ANLN: variants seen among roughly 807,000 people sequenced by gnomAD.
The protein encoded by ANLN is anillin, actin binding protein, also known as anillin.
ANLN carries 59 observed loss-of-function variants against 135.1 expected under a neutral mutation model. The observed-to-expected ratio is 0.44, with a 90% confidence interval of 0.35 to 0.54. The LOEUF is 0.54. Ranked by LOEUF, ANLN falls within the 20% of genes least tolerant of loss-of-function variation. ANLN has a pLI of 0.00. For missense variants in ANLN, 1,182 were observed against 1,340.0 expected, an observed-to-expected ratio of 0.88 and a Z score of 1.84; for synonymous variants, 406 against 456.4, an observed-to-expected ratio of 0.89 and a Z score of 1.41.
chr7:36,425,768 T>C, intron 18 of ANLN, 28 bp downstream of exon 18: 1 of 1,604,092 alleles, frequency 6.2e-7, no homozygotes, highest in Non-Finnish European at 8.5e-7. Flanking sequence ...GAAATTGAGC[T>C]TCCTTGAGAA....
At position 36,440,164 on chromosome 7, in the gene ANLN, G is replaced by A. The variant is rs149523794; in HGVS notation, c.2970+874G>A. On this transcript the variant is annotated intron_variant, in intron 21 of 23. Coordinates refer to ENST00000265748, the MANE Select transcript of ANLN (RefSeq NM_018685.5). ...GACATTTAGTAGAGGTAAAGATGTG[G>A]ATATCTGCAGCATGGGGAAGCCCAG... Among the ~76,000 whole-genome samples the A allele has an allele frequency of 3.2e-3, 493 of 152,308 alleles. 2 individuals carry two copies. The highest frequency in any genetic ancestry group is 5.2e-3 in the Non-Finnish European group (357 of 68,028).
At position 36,399,407 on chromosome 7, in the gene ANLN, AG is replaced by A. The variant is rs749497963; in HGVS notation, c.487+15del. The A allele has an allele frequency of 6.3e-7, 1 of 1,580,380 alleles. No homozygotes were observed. The highest frequency in any genetic ancestry group is 1.2e-5 in the South Asian group (1 of 85,654). ...ATGATATGACAGGTATGAATTGTATAGATGGTATGGCCCATACATCTGTTCC... is the reference window on the plus strand; with the variant it reads ...ATGATATGACAGGTATGAATTGTATAATGGTATGGCCCATACATCTGTTCC... On this transcript the variant is annotated intron_variant, in intron 3 of 23. Coordinates refer to ENST00000265748, the MANE Select transcript of ANLN (RefSeq NM_018685.5).
At chr7:36,398,941 A>C in intron 2 of ANLN, 138 bp from the exon 3 acceptor site, 1 of 661,414 alleles carries the variant, frequency 1.5e-6, no homozygotes, top group Non-Finnish European at 2.6e-6. Flanking sequence ...GGGGTTTTAC[A>C]TACTTCTGGT....
chr7:36,443,683 C>T lies in ANLN; in HGVS notation c.2971-72C>T, dbSNP rs115760311. ...ATGTCAACATACTACAGTTAGTGTA[C>T]AGAATCAGCATTTCATTGTTAGGAC... On this transcript the variant is annotated intron_variant, in intron 21 of 23. Coordinates refer to ENST00000265748, the MANE Select transcript of ANLN (RefSeq NM_018685.5). 5.8e-4 allele frequency: 549 copies of T among 943,062 alleles called. 3 individuals are homozygous for T. In the African/African-American group the frequency reaches 8.3e-3, roughly 14 times the overall value. 58.4% of individuals were successfully genotyped at this position (943,062 alleles called of 1,614,324 possible). A position where few individuals can be genotyped will look rare whatever the true frequency, so the allele number is the denominator to read the frequency against.
chr7:36,420,867 C>A, intron 12 of ANLN, 123 bp downstream of exon 12: 1 of 847,324 alleles, frequency 1.2e-6, no homozygotes, highest in Non-Finnish European at 1.8e-6. Context: ...GTGTCTGATG[C>A]ATAGAAGCTC....
chr7:36,448,349 G>C (rs899225379), intron 22 of ANLN, among the ~76,000 whole-genome samples: 1 of 152,168 alleles, frequency 6.6e-6, no homozygotes, highest in Non-Finnish European at 1.5e-5. Flanking sequence ...ATGTTCAAAT[G>C]TACACAAAGC....
At position 36,396,499 on chromosome 7, in the gene ANLN, T is replaced by C. The variant is rs1162588104; in HGVS notation, c.172+80T>C. ...ACAAGCCCCAAACATTTCATTAGCATATAGAAGAACCAAGCTCTTTGGGAG... is the reference window on the plus strand; with the variant it reads ...ACAAGCCCCAAACATTTCATTAGCACATAGAAGAACCAAGCTCTTTGGGAG... On this transcript the variant is annotated intron_variant, in intron 2 of 23. Transcript: ENST00000265748. The C allele has an allele frequency of 4.3e-6, 6 of 1,388,642 alleles. No individual in the cohort carries two copies. The African/African-American group carries it at 4.3e-5, about 10-fold the overall frequency. The allele number at this position is 1,388,642 out of a possible 1,614,324, so 86.0% of individuals were successfully genotyped here.
intron 12 of ANLN, 34 bp downstream of exon 12, chr7:36,420,778 T>C (rs750349054): frequency 6.2e-7 from 1 of 1,609,832 alleles, no homozygotes. Flanking sequence ...CTTTGGAATG[T>C]TTCTTGCACT....
chr7:36,410,540 G>C lies in ANLN; in HGVS notation c.1123G>C (p.Glu375Gln), dbSNP rs1358723163. The C allele has an allele frequency of 6.2e-7, 1 of 1,610,162 alleles. No homozygotes were observed. Among genetic ancestry groups the C allele is most frequent in the South Asian group, 1.1e-5 (1 of 90,352 alleles). Residue 375 changes from glutamate (E) to glutamine (Q), a missense_variant, in exon 6 of 24, where the codon GAA (glutamate) becomes CAA (glutamine). Transcript: ENST00000265748. ...PGGTGIKPFL[E>Q]RFGERCQEHS... ...AGGAACAGGAATTAAGCCTTTCCTG[G>C]AACGCTTTGGAGAGCGTTGTCAAGA...
At position 36,419,543 on chromosome 7, in the gene ANLN, C is replaced by T. The variant is rs1787786740; in HGVS notation, c.1869+64C>T. ...AAACTAAGTAGTATTCGTATCTCCCCTTTCTTTTGTTGACAGATGGACATT... is the reference window on the plus strand; with the variant it reads ...AAACTAAGTAGTATTCGTATCTCCCTTTTCTTTTGTTGACAGATGGACATT... On this transcript the variant is annotated intron_variant, in intron 10 of 23. Transcript: ENST00000265748. 3 of 1,373,326 alleles carry T rather than the reference C, an allele frequency of 2.2e-6. No individual in the cohort carries two copies. In the South Asian group the frequency reaches 3.8e-5, roughly 17 times the overall value. 85.1% of individuals were successfully genotyped at this position (1,373,326 alleles called of 1,614,324 possible). A position where few individuals can be genotyped will look rare whatever the true frequency, so the allele number is the denominator to read the frequency against.
In ANLN at chr7:36,406,487, G is replaced by A. The variant is rs943534998; in HGVS notation, c.794G>A (p.Gly265Asp). 1.9e-6 allele frequency: 3 copies of A among 1,595,562 alleles called. No individual in the cohort carries two copies. Among genetic ancestry groups the A allele is most frequent in the Non-Finnish European group, 2.6e-6 (3 of 1,167,926 alleles). ...GCTACATTCTGTTCCCAAAGGGATG[G>A]CGATGCCTCTTTGAATAAAGCCCTA... ...QEATFCSQRD[G>D]DASLNKALSS... is the part of the protein sequence containing the mutation. Residue 265 changes from glycine to aspartate, a missense_variant, in exon 4 of 24, where the codon GGC becomes GAC. Around this residue, in one of 3 missense-constraint regions of ANLN, gnomAD observed 1,022 missense variants for 1,134.0 expected, o/e 0.90. Transcript: ENST00000265748.
At chr7:36,409,903 C>T (rs965755853) in intron 5 of ANLN, among the ~76,000 whole-genome samples, 1 of 152,098 alleles carries the variant, frequency 6.6e-6, no homozygotes, top group African/African-American at 2.4e-5. Flanking sequence ...AACTCCTGAG[C>T]TCAAGAGATC....
intron 9 of ANLN, among the ~76,000 whole-genome samples, chr7:36,418,806 C>T (rs906540803): frequency 6.0e-5 from 9 of 150,252 alleles, no homozygotes; most frequent in Non-Finnish European, 1.2e-4. Context: ...CAGGCTAGAG[C>T]GCAATGGCAC....
rs375950563 is a variant in ANLN, at chr7:36,415,743, A to C, written c.1396-15A>C. The C allele has an allele frequency of 3.8e-6, 6 of 1,567,968 alleles. No individual in the cohort carries two copies. The African/African-American group carries it at 8.3e-5, about 22-fold the overall frequency. On this transcript the variant is annotated splice_polypyrimidine_tract_variant and intron_variant, in intron 7 of 23. Coordinates refer to ENST00000265748, the MANE Select transcript of ANLN (RefSeq NM_018685.5). Reference sequence around the variant, plus strand: ...TTTTGAGAAATAAAATTTACTTTTCATTCGCTTTTTGCAGGAAACTCACTG... The same window carrying C: ...TTTTGAGAAATAAAATTTACTTTTCCTTCGCTTTTTGCAGGAAACTCACTG...
At chr7:36,449,550 A>G (rs1410883934) in intron 22 of ANLN, 115 bp from the exon 23 acceptor site, 2 of 782,312 alleles carry the variant, frequency 2.6e-6, no homozygotes, top group East Asian at 5.7e-5. Flanking sequence ...ACTAAATTTT[A>G]ACTTTTAAAT....
chr7:36,408,942 CTT>C (rs917528542), intron 5 of ANLN, among the ~76,000 whole-genome samples: 23 of 152,134 alleles, frequency 1.5e-4, no homozygotes, highest in Non-Finnish European at 2.4e-4. Flanking sequence ...ATTGGAAAGA[CTT>C]TTAATTCTAA....
At chr7:36,434,790 T>G (rs1313575630) in intron 20 of ANLN, among the ~76,000 whole-genome samples, 1 of 152,126 alleles carries the variant, frequency 6.6e-6, no homozygotes, top group Non-Finnish European at 1.5e-5. Context: ...TGCTTGAACC[T>G]GGGAGGCGGA....
At chr7:36,406,662 ATAT>A (rs1178173348) in intron 4 of ANLN, 96 bp downstream of exon 4, 25 of 1,107,914 alleles carry the variant, frequency 2.3e-5, no homozygotes, top group Non-Finnish European at 2.9e-5. Flanking sequence ...ATGGGTGGAT[ATAT>A]GTTTTATAAT....
chr7:36,410,051 A>T (rs1787346050), intron 5 of ANLN, among the ~76,000 whole-genome samples: 1 of 152,224 alleles, frequency 6.6e-6, no homozygotes. Flanking sequence ...TCTGAAGGAA[A>T]AAAAGGCAAA....
Sources: allele counts gnomAD v4.1 joint callset (sites outside exome capture counted in the v4.1 genomes callset), GRCh38; gene constraint gnomAD v4.1.1; regional missense constraint gnomAD v4.1.1; transcripts MANE v1.5; gene names NCBI Gene and HGNC (gene_info 2026-07-23, HGNC 2026-07-21).